Variants in BLK observed in about 807,000 individuals in gnomAD.
BLK encodes the protein tyrosine-protein kinase Blk.
A neutral mutation model predicts 61.8 loss-of-function variants in BLK; 64 were observed. The observed-to-expected ratio is 1.03, with a 90% CI of 0.85 to 1.27. The LOEUF (loss-of-function observed/expected upper bound fraction) is 1.27. Among genes scored for constraint, BLK ranks in the 50% most tolerant of loss-of-function variants. The pLI, the probability that BLK is intolerant of heterozygous loss-of-function variation, is 0.00. For missense variants in BLK, 853 were observed against 660.5 expected, an observed-to-expected ratio of 1.29 and a Z score of -3.19; for synonymous variants, 351 against 272.0, an observed-to-expected ratio of 1.29 and a Z score of -2.86.
intron 1 of BLK, among the ~76,000 whole-genome samples, chr8:11,500,688 G>T (rs184225869): frequency 2.7e-5 from 4 of 150,586 alleles, no homozygotes; most frequent in Non-Finnish European, 5.9e-5. Context: ...GCTAATTTTG[G>T]TTTTTGTAGA....
chr8:11,534,883 C>T (rs1800047896), intron 1 of BLK, among the ~76,000 whole-genome samples: 1 of 152,158 alleles, frequency 6.6e-6, no homozygotes, highest in Non-Finnish European at 1.5e-5. Flanking sequence ...AAGTATTGCA[C>T]AAGGAGGCCA....
At chr8:11,541,575 A>C (rs906564508) in intron 1 of BLK, among the ~76,000 whole-genome samples, 6 of 151,032 alleles carry the variant, frequency 4.0e-5, no homozygotes, top group African/African-American at 1.5e-4. Flanking sequence ...TTGGCTCACT[A>C]CAACCTCCGC....
intron 1 of BLK, chr8:11,509,698 A>G (rs1303385344): frequency 6.6e-6 from 1 of 152,210 alleles, no homozygotes; most frequent in African/African-American, 2.4e-5. Flanking sequence ...GCCACTTGGA[A>G]GAACAGGCTG....
chr8:11,560,375 GTGGGTGGATGGATGGATGCATGGATGGA>G, intron 10 of BLK: 3 of 213,848 alleles, frequency 1.4e-5, no homozygotes, highest in Non-Finnish European at 9.3e-6. Context: ...GGATGGATGG[GTGGGTGGATGGATGGATGCATGGATGGA>G]TGGATGCATG....
intron 4 of BLK, 115 bp downstream of exon 4, chr8:11,548,240 T>C (rs1800737279): frequency 2.3e-6 from 2 of 885,016 alleles, no homozygotes; most frequent in Admixed American, 4.0e-5. Context: ...TCCATCGCCC[T>C]GCCCCCAGCC....
intron 1 of BLK, among the ~76,000 whole-genome samples, chr8:11,522,751 G>A (rs1799505603): frequency 7.1e-6 from 1 of 140,418 alleles, no homozygotes; most frequent in South Asian, 2.2e-4. Context: ...GAAAAAAAAA[G>A]CAAGTTGCAA....
intron 1 of BLK, among the ~76,000 whole-genome samples, chr8:11,536,447 G>A (rs1800136181): frequency 1.3e-5 from 2 of 152,190 alleles, no homozygotes; most frequent in Non-Finnish European, 2.9e-5. Context: ...CTGGAGTGCA[G>A]TGGCAGGATC....
intron 1 of BLK, among the ~76,000 whole-genome samples, chr8:11,517,039 T>A (rs951083960): frequency 7.2e-5 from 11 of 152,330 alleles, no homozygotes; most frequent in African/African-American, 2.6e-4. Context: ...AGGGTGACAC[T>A]GGGGAGTTCT....
intron 10 of BLK, chr8:11,560,728 C>A (rs1350361839): frequency 2.5e-6 from 1 of 401,404 alleles, no homozygotes; most frequent in Admixed American, 2.6e-5. Context: ...GGGGCAGGCG[C>A]TGGGTGAGGT....
At chr8:11,503,331 G>T (rs771559104) in intron 1 of BLK, among the ~76,000 whole-genome samples, 1 of 152,308 alleles carries the variant, frequency 6.6e-6, no homozygotes, top group Admixed American at 6.5e-5. Flanking sequence ...GGGAGCTTGT[G>T]TGTAGGTGGG....
intron 2 of BLK, among the ~76,000 whole-genome samples, chr8:11,545,530 C>T (rs1413934193): frequency 6.6e-6 from 1 of 152,136 alleles, no homozygotes; most frequent in African/African-American, 2.4e-5. Flanking sequence ...GCCTGGGCAA[C>T]AGAGCGAGAC....
intron 1 of BLK, among the ~76,000 whole-genome samples, chr8:11,499,290 G>A (rs1160810369): frequency 6.6e-6 from 1 of 152,202 alleles, no homozygotes; most frequent in Non-Finnish European, 1.5e-5. Flanking sequence ...TAGGGGTGGA[G>A]TAGGCTCTAC....
chr8:11,554,707 C>A (rs773325006), intron 6 of BLK, 36 bp from the exon 7 acceptor site: 7 of 1,609,202 alleles, frequency 4.3e-6, no homozygotes, highest in Middle Eastern at 1.7e-4. Context: ...TGTCTTTGTG[C>A]CTTACTTCTC....
Position 11,549,089 on chromosome 8 carries a change from T to G in BLK, c.335T>G (p.Phe112Cys). The G allele has an allele frequency of 6.2e-7, 1 of 1,610,566 alleles. No individual in the cohort carries two copies. Among genetic ancestry groups the G allele is most frequent in the African/African-American group, 1.3e-5 (1 of 74,970 alleles). Residue 112 changes from phenylalanine (F) to cysteine (C), a missense_variant, in exon 5 of 13, where the codon TTT (phenylalanine) becomes TGT (cysteine). Coordinates refer to ENST00000259089, the MANE Select transcript of BLK (RefSeq NM_001715.3). ...TGREGYVPSN[F>C]VARVESLEME... is the part of the protein sequence containing the mutation. The stretch of plus-strand genomic sequence containing the variant: ...AGAGAAGGCTATGTGCCCAGTAACT[T>G]TGTGGCCCGAGTGGAGAGCCTGGAA...
intron 12 of BLK, 32 bp downstream of exon 12, chr8:11,563,142 C>G: frequency 6.2e-7 from 1 of 1,613,314 alleles, no homozygotes; most frequent in Non-Finnish European, 8.5e-7. Flanking sequence ...TCGCGGCTCC[C>G]TGCTTTCCCG....
chr8:11,546,128 G>A (rs759537061), intron 3 of BLK, 25 bp downstream of exon 3: 2 of 1,613,834 alleles, frequency 1.2e-6, no homozygotes. Flanking sequence ...TTGGGAAGCT[G>A]AGGCTCCACA....
chr8:11,514,813 C>T (rs1218357199), intron 1 of BLK, among the ~76,000 whole-genome samples: 1 of 152,126 alleles, frequency 6.6e-6, no homozygotes, highest in Non-Finnish European at 1.5e-5. Context: ...GATTCCTGGC[C>T]CTGTTTCATA....
chr8:11,531,399 T>C (rs1205298108), intron 1 of BLK, among the ~76,000 whole-genome samples: 1 of 152,224 alleles, frequency 6.6e-6, no homozygotes, highest in Non-Finnish European at 1.5e-5. Flanking sequence ...AAGGTCACGT[T>C]TGTATGCTTC....
At chr8:11,556,071 GC>G (rs1252167022) in intron 8 of BLK, 2 of 228,378 alleles carry the variant, frequency 8.8e-6, no homozygotes, top group Non-Finnish European at 1.7e-5. Flanking sequence ...CTTACCTGGG[GC>G]TGATGCCCAC....
Sources: gnomAD v4.1 joint callset for allele counts (sites outside exome capture counted in the v4.1 genomes callset) on GRCh38, gnomAD v4.1.1 for gene constraint, MANE v1.5 for transcripts, NCBI Gene and HGNC (gene_info 2026-07-23, HGNC 2026-07-21) for gene names.